Variants in ROBO1 observed in about 807,000 individuals in gnomAD.
ROBO1 encodes the protein roundabout homolog 1.
ROBO1 carries 149 observed loss-of-function variants against 195.9 expected under a neutral mutation model. That is an observed-to-expected ratio of 0.76 (90% confidence interval 0.67 to 0.87). The LOEUF is 0.87. ROBO1 is among the 40% of genes least tolerant of loss of function. ROBO1 has a pLI of 0.00. For synonymous variants in ROBO1, 816 were observed against 733.2 expected, an observed-to-expected ratio of 1.11 and a Z score of -1.82; for missense variants, 1,933 against 2,068.3, an observed-to-expected ratio of 0.93 and a Z score of 1.27.
intron 2 of ROBO1, among the ~76,000 whole-genome samples, chr3:79,245,744 G>C (rs1292326430): frequency 6.6e-6 from 1 of 151,960 alleles, no homozygotes; most frequent in East Asian, 1.9e-4. Context: ...GACCTTGGGG[G>C]AAATGCTTTA....
chr3:78,767,239 G>A (rs139177050), intron 4 of ROBO1, among the ~76,000 whole-genome samples: 247 of 116,316 alleles, frequency 2.1e-3, no homozygotes, highest in African/African-American at 7.7e-3. Flanking sequence ...CTGTGAATCC[G>A]TCTGGTCCTG....
chr3:78,788,369 C>T (rs1406173026), intron 4 of ROBO1, among the ~76,000 whole-genome samples: 1 of 146,374 alleles, frequency 6.8e-6, no homozygotes, highest in Non-Finnish European at 1.5e-5. Context: ...CCACCCGCCT[C>T]GGCCTCCCAA....
intron 2 of ROBO1, among the ~76,000 whole-genome samples, chr3:79,512,392 G>A (rs1940752412): frequency 1.3e-5 from 2 of 152,030 alleles, no homozygotes; most frequent in Admixed American, 1.3e-4. Flanking sequence ...AATTAGAATA[G>A]CTTATCTATT....
At chr3:78,956,532 T>C (rs2041058641) in intron 3 of ROBO1, among the ~76,000 whole-genome samples, 1 of 152,172 alleles carries the variant, frequency 6.6e-6, no homozygotes, top group South Asian at 2.1e-4. Context: ...CTGAAATATT[T>C]CCACATCCCC....
intron 2 of ROBO1, among the ~76,000 whole-genome samples, chr3:79,242,149 C>T (rs951808846): frequency 6.6e-6 from 1 of 151,570 alleles, no homozygotes; most frequent in Non-Finnish European, 1.5e-5. Context: ...AAGCAGCTGC[C>T]TTAGAACAAG....
chr3:79,343,023 C>A (rs1175784838), intron 2 of ROBO1, among the ~76,000 whole-genome samples: 1 of 152,154 alleles, frequency 6.6e-6, no homozygotes, highest in Non-Finnish European at 1.5e-5. Flanking sequence ...CTCTCTCACA[C>A]CCTAACAACA....
intron 2 of ROBO1, among the ~76,000 whole-genome samples, chr3:79,390,514 G>A (rs1373023982): frequency 6.6e-6 from 1 of 152,170 alleles, no homozygotes. Context: ...TGACAAGGTA[G>A]GAAGAAAACT....
At chr3:79,670,842 T>C (rs1946612278) in intron 1 of ROBO1, among the ~76,000 whole-genome samples, 2 of 151,688 alleles carry the variant, frequency 1.3e-5, no homozygotes, top group African/African-American at 2.4e-5. Flanking sequence ...GTCCCTAGGG[T>C]GAATTTGGGA....
chr3:79,672,103 C>T (rs558739295), intron 1 of ROBO1, among the ~76,000 whole-genome samples: 2 of 152,048 alleles, frequency 1.3e-5, no homozygotes, highest in Non-Finnish European at 2.9e-5. Context: ...ACTAGAACAA[C>T]CGTTCACCCT....
At chr3:79,684,719 A>G (rs1248704030) in intron 1 of ROBO1, among the ~76,000 whole-genome samples, 6 of 152,088 alleles carry the variant, frequency 3.9e-5, no homozygotes, top group Non-Finnish European at 5.9e-5. Flanking sequence ...TCTGTCGCCC[A>G]GACTGGAGTG....
chr3:79,299,964 T>C (rs1035823159), intron 2 of ROBO1, among the ~76,000 whole-genome samples: 2 of 152,234 alleles, frequency 1.3e-5, no homozygotes, highest in Admixed American at 6.5e-5. Flanking sequence ...TGTGAAATAC[T>C]TATTTAATAC....
chr3:78,646,533 G>C (rs983930553), intron 20 of ROBO1, among the ~76,000 whole-genome samples: 2 of 150,424 alleles, frequency 1.3e-5, no homozygotes, highest in Non-Finnish European at 3.0e-5. Context: ...TTAGCATTCC[G>C]ATGGATTTCC....
intron 2 of ROBO1, among the ~76,000 whole-genome samples, chr3:79,525,837 G>C (rs1037686286): frequency 6.6e-6 from 1 of 151,790 alleles, no homozygotes; most frequent in Non-Finnish European, 1.5e-5. Flanking sequence ...TTGAACTCCT[G>C]ATCTCCTCGT....
chr3:79,218,753 C>T (rs1402638690), intron 2 of ROBO1, among the ~76,000 whole-genome samples: 1 of 151,878 alleles, frequency 6.6e-6, no homozygotes, highest in Non-Finnish European at 1.5e-5. Context: ...GTATTGTCTT[C>T]ATATTACTAA....
rs143064798 is a variant in ROBO1 at position 79,385,950 on chromosome 3, T to C, written c.88+203874A>G. Among the ~76,000 whole-genome samples, 427 of 152,254 alleles carry C rather than the reference T, an allele frequency of 2.8e-3. 2 individuals carry two copies. The highest frequency in any genetic ancestry group is 0.02 in the Middle Eastern group (6 of 294). ...TTATATTATTTTCTCTTGAAAAACA[T>C]TGAACAGGGCCTGATATTAAATTCA... On this transcript the variant is annotated intron_variant, in intron 2 of 30. Coordinates refer to ENST00000464233, the MANE Select transcript of ROBO1 (RefSeq NM_002941.4).
chr3:78,877,098 C>T (rs1420873459), intron 4 of ROBO1, among the ~76,000 whole-genome samples: 1 of 151,932 alleles, frequency 6.6e-6, no homozygotes, highest in South Asian at 2.1e-4. Flanking sequence ...CCAGTGAATA[C>T]AATTTATTAA....
chr3:79,181,059 C>T (rs182607177), intron 2 of ROBO1, among the ~76,000 whole-genome samples: 4 of 152,198 alleles, frequency 2.6e-5, no homozygotes, highest in Admixed American at 1.3e-4. Flanking sequence ...TCTAATTTTC[C>T]TAGACTTTCT....
intron 2 of ROBO1, among the ~76,000 whole-genome samples, chr3:79,492,352 G>T (rs550162158): frequency 2.1e-4 from 31 of 149,920 alleles, no homozygotes; most frequent in African/African-American, 7.6e-4. Flanking sequence ...TTGAACCCGG[G>T]AGGCAGAGGT....
At chr3:79,275,523 C>T (rs1036251179) in intron 2 of ROBO1, among the ~76,000 whole-genome samples, 3 of 151,864 alleles carry the variant, frequency 2.0e-5, no homozygotes, top group Admixed American at 1.3e-4. Flanking sequence ...TAGCTGGTAT[C>T]ATATAGAATG....
Sources: gnomAD v4.1 joint callset for allele counts (sites outside exome capture counted in the v4.1 genomes callset) on GRCh38, gnomAD v4.1.1 for gene constraint, MANE v1.5 for transcripts, NCBI Gene and HGNC (gene_info 2026-07-23, HGNC 2026-07-21) for gene names.